RFX7: variants seen among roughly 807,000 people sequenced by gnomAD.
The protein encoded by RFX7 is regulatory factor X7, also known as DNA-binding protein RFX7.
A neutral mutation model predicts 111.8 loss-of-function variants in RFX7; 26 were observed. That is an observed-to-expected ratio of 0.23 (90% CI 0.17 to 0.32). The LOEUF (loss-of-function observed/expected upper bound fraction) is 0.32, where lower values mean the gene tolerates loss of function less well. RFX7 is among the 10% of genes least tolerant of loss of function. RFX7 has a pLI of 1.00. For synonymous variants in RFX7, 624 were observed against 624.4 expected (o/e 1.00, Z 0.01); for missense variants, 1,573 against 1,772.9 (o/e 0.89, Z 2.02).
At chr15:56,138,444 CT>C (rs1485652850) in intron 5 of RFX7, among the ~76,000 whole-genome samples, 1 of 149,660 alleles carries the variant, frequency 6.7e-6, no homozygotes, top group African/African-American at 2.5e-5. Flanking sequence ...CAACCCCTGC[CT>C]TTTTTTGTTT....
intron 2 of RFX7, among the ~76,000 whole-genome samples, chr15:56,241,039 G>A (rs369867658): frequency 3.3e-5 from 5 of 151,992 alleles, no homozygotes; most frequent in East Asian, 3.9e-4. Flanking sequence ...TGTTTATTCC[G>A]AAATTTTAAG....
intron 3 of RFX7, among the ~76,000 whole-genome samples, chr15:56,176,744 A>G (rs2042907267): frequency 6.6e-6 from 1 of 152,086 alleles, no homozygotes; most frequent in African/African-American, 2.4e-5. Flanking sequence ...CATTGAATCT[A>G]TCAGCAAGCA....
chr15:56,099,902 A>C (rs1354528645), intron 8 of RFX7, among the ~76,000 whole-genome samples: 1 of 152,142 alleles, frequency 6.6e-6, no homozygotes, highest in African/African-American at 2.4e-5. Context: ...AATTCATTCA[A>C]CATTTCCCAC....
At chr15:56,098,620 T>A (rs28594302) in intron 8 of RFX7, among the ~76,000 whole-genome samples, 3,709 of 152,310 alleles carry the variant, frequency 0.024, 123 homozygotes, top group African/African-American at 0.075. Flanking sequence ...GATTTTAAAA[T>A]CAGGTGACAG....
intron 2 of RFX7, among the ~76,000 whole-genome samples, chr15:56,218,741 C>A (rs1393346745): frequency 1.3e-5 from 2 of 152,198 alleles, no homozygotes; most frequent in Non-Finnish European, 2.9e-5. Flanking sequence ...ATAATGGTAT[C>A]ATGTATTGAG....
chr15:56,182,131 A>G (rs771921961), intron 2 of RFX7, among the ~76,000 whole-genome samples: 16 of 152,124 alleles, frequency 1.1e-4, no homozygotes, highest in Non-Finnish European at 1.8e-4. Context: ...TAATTATTTC[A>G]TTATATATTA....
intron 3 of RFX7, among the ~76,000 whole-genome samples, chr15:56,154,786 A>C (rs12899383): frequency 0.98 from 148,648 of 152,280 alleles, 72,653 homozygotes; most frequent in East Asian, 1. Context: ...CAAGTGAGAT[A>C]TAATTAAAAC....
At chr15:56,115,450 G>C (rs540949301) in intron 5 of RFX7, among the ~76,000 whole-genome samples, 2 of 152,166 alleles carry the variant, frequency 1.3e-5, no homozygotes, top group African/African-American at 4.8e-5. Flanking sequence ...AGGGGAAACT[G>C]GGGCTGTCTG....
intron 8 of RFX7, 57 bp from the exon 9 acceptor site, chr15:56,098,433 T>C (rs1165960853): frequency 4.0e-6 from 6 of 1,484,882 alleles, no homozygotes; most frequent in Non-Finnish European, 5.4e-6. Flanking sequence ...AGAAGGGAGG[T>C]TCCTTTGAAT....
In RFX7 at chr15:56,088,793, T is replaced by C. The variant is rs978141138; in HGVS notation, c.*4552A>G. On this transcript the variant is annotated 3_prime_UTR_variant, in exon 10 of 10. Coordinates refer to ENST00000559447, the MANE Select transcript of RFX7 (RefSeq NM_022841.7). ...CAATAATACCTGATTTTTCAGCTCA[T>C]AGGGGGAAGGCAAGATACCAGTTAA... The C allele has an allele frequency of 3.3e-5, 5 of 152,168 alleles. No homozygotes were observed. The highest frequency in any genetic ancestry group is 7.3e-5 in the Non-Finnish European group (5 of 68,028). The allele number at this position is 152,168 out of a possible 1,614,324, so 9.4% of individuals were successfully genotyped here.
rs1021604000 is a variant in RFX7 at position 56,094,523 on chromosome 15, A to G, written c.3205T>C (p.Tyr1069His). 4 of 1,613,654 alleles carry G rather than the reference A, an allele frequency of 2.5e-6. No homozygotes were observed. In the South Asian group the frequency reaches 3.3e-5, roughly 13 times the overall value. The part of the protein sequence containing the change: ...KTKLEWMNNG[Y>H]SGVGNSSVSG... ...ACTGATGAATTACCAACCCCACTAT[A>G]CCCATTATTCATCCATTCAAGCTTG... The change falls in exon 10 of 10, where the codon TAT (tyrosine) becomes CAT (histidine). Residue 1069 changes from tyrosine (Y) to histidine (H), a missense_variant. Tyr to His is a moderately conservative substitution (Grantham distance 83). Coordinates refer to ENST00000559447, the MANE Select transcript of RFX7 (RefSeq NM_022841.7).
chr15:56,150,624 C>T (rs183657751), intron 3 of RFX7, among the ~76,000 whole-genome samples: 7 of 152,296 alleles, frequency 4.6e-5, no homozygotes, highest in East Asian at 1.9e-4. Flanking sequence ...CAACGCAAAA[C>T]GGCTAACAAT....
rs1269792701 is a variant in RFX7, at chr15:56,094,972, A to G, written c.2756T>C (p.Val919Ala). The change falls in exon 10 of 10, where the codon GTA becomes GCA. Residue 919 changes from valine to alanine, a missense_variant. By Grantham distance (64) the Val-to-Ala change is moderately conservative. Coordinates refer to ENST00000559447, the MANE Select transcript of RFX7 (RefSeq NM_022841.7). ...CLGMTLQSQS[V>A]TPGAPMSSHT... The stretch of plus-strand genomic sequence containing the variant: ...AGATGACATTGGAGCTCCTGGAGTT[A>G]CTGACTGACTCTGAAGGGTCATTCC... The G allele has an allele frequency of 6.2e-7, 1 of 1,608,192 alleles. No homozygotes were observed. The highest frequency in any genetic ancestry group is 1.1e-5 in the South Asian group (1 of 89,884).
intron 2 of RFX7, among the ~76,000 whole-genome samples, chr15:56,190,624 GACTAAC>G (rs1595998477): frequency 1.3e-5 from 2 of 152,190 alleles, no homozygotes; most frequent in South Asian, 2.1e-4. Flanking sequence ...ATGATTCCTG[GACTAAC>G]GGTATCAGTA....
chr15:56,206,610 A>G (rs1395554370), intron 2 of RFX7, among the ~76,000 whole-genome samples: 2 of 152,242 alleles, frequency 1.3e-5, no homozygotes. Context: ...CTAAGTGTCC[A>G]TCAACAGATG....
At chr15:56,161,743 A>G (rs900747775) in intron 3 of RFX7, among the ~76,000 whole-genome samples, 1 of 152,102 alleles carries the variant, frequency 6.6e-6, no homozygotes, top group African/African-American at 2.4e-5. Flanking sequence ...CTTTGGCTTC[A>G]TAAGTGCCAA....
chr15:56,173,626 C>CA (rs2042869821), intron 3 of RFX7, among the ~76,000 whole-genome samples: 1 of 151,880 alleles, frequency 6.6e-6, no homozygotes, highest in Non-Finnish European at 1.5e-5. Context: ...ACTAAAACTA[C>CA]AAAAAATTAG....
At chr15:56,181,911 C>T (rs1037114176) in intron 2 of RFX7, among the ~76,000 whole-genome samples, 3 of 152,264 alleles carry the variant, frequency 2.0e-5, no homozygotes, top group African/African-American at 7.2e-5. Context: ...AGCTCTGCCT[C>T]CTGTCACATC....
At chr15:56,106,006 T>C (rs909711202) in intron 5 of RFX7, among the ~76,000 whole-genome samples, 1 of 152,174 alleles carries the variant, frequency 6.6e-6, no homozygotes, top group South Asian at 2.1e-4. Context: ...GTTAGGTTAG[T>C]TTATGGTTAC....
Sources: gnomAD v4.1 joint callset for allele counts (sites outside exome capture counted in the v4.1 genomes callset) on GRCh38, gnomAD v4.1.1 for gene constraint, MANE v1.5 for transcripts, NCBI Gene and HGNC (gene_info 2026-07-23, HGNC 2026-07-21) for gene names.